Variants in ALMS1 observed in about 807,000 individuals in gnomAD.
ALMS1 encodes centrosome-associated protein ALMS1.
In ALMS1, 271 loss-of-function variants were observed where a neutral mutation model predicts 352.2. The ratio of observed to expected loss-of-function variants is 0.77; its 90% CI spans 0.70 to 0.85. The LOEUF (loss-of-function observed/expected upper bound fraction) is 0.85. Among genes scored for constraint, ALMS1 ranks in the 40% least tolerant of loss-of-function variants. ALMS1 has a pLI of 0.00. For synonymous variants in ALMS1, 1,865 were observed against 1,761.2 expected, an observed-to-expected ratio of 1.06 and a Z score of -1.48; for missense variants, 5,445 against 4,870.7, an observed-to-expected ratio of 1.12 and a Z score of -3.51.
intron 11 of ALMS1, among the ~76,000 whole-genome samples, chr2:73,521,519 G>A (rs1262467303): frequency 6.7e-6 from 1 of 149,708 alleles, no homozygotes; most frequent in Non-Finnish European, 1.5e-5. Flanking sequence ...GGCAGATCAC[G>A]AGGTCAGGAG....
intron 2 of ALMS1, among the ~76,000 whole-genome samples, chr2:73,409,731 C>T (rs1175089771): frequency 1.3e-5 from 2 of 152,096 alleles, no homozygotes; most frequent in Admixed American, 6.5e-5. Context: ...TCTATTTATA[C>T]ACATCTGTGT....
At position 73,544,663 on chromosome 2, in the gene ALMS1, A is replaced by G. The variant is rs114292538; in HGVS notation, c.9908-5604A>G. On this transcript the variant is annotated intron_variant, in intron 12 of 22. Coordinates refer to ENST00000613296, the MANE Select transcript of ALMS1 (RefSeq NM_001378454.1). ...CATTGTGGCTATTCCTCAAAAAATTAAACATAGAATTATAGTATGATCCAG... is the reference window on the plus strand; with the variant it reads ...CATTGTGGCTATTCCTCAAAAAATTGAACATAGAATTATAGTATGATCCAG... Among the ~76,000 whole-genome samples the G allele has an allele frequency of 9.8e-3, 1,495 of 152,318 alleles. 28 individuals are homozygous for G. Among genetic ancestry groups the G allele is most frequent in the African/African-American group, 0.034 (1,403 of 41,550 alleles).
chr2:73,564,565 A>G (rs1213115432), intron 15 of ALMS1, among the ~76,000 whole-genome samples: 1 of 152,052 alleles, frequency 6.6e-6, no homozygotes. Flanking sequence ...ATTTTAGAAT[A>G]TTTTCTTCAC....
At chr2:73,400,810 C>CA (rs1307223541) in intron 1 of ALMS1, among the ~76,000 whole-genome samples, 2 of 151,766 alleles carry the variant, frequency 1.3e-5, no homozygotes, top group Non-Finnish European at 2.9e-5. Context: ...TTTTTTGAGA[C>CA]AGAGTCTTGC....
Position 73,386,168 on chromosome 2 carries a change from G to A in ALMS1, c.300G>A (p.Glu100=). 1 of 1,549,880 alleles carries A rather than the reference G, an allele frequency of 6.5e-7. No individual in the cohort carries two copies. Among genetic ancestry groups the A allele is most frequent in the Non-Finnish European group, 8.7e-7 (1 of 1,146,696 alleles). The part of the protein sequence containing the change: ...PLSPPQHRYS[E]GERTSLEKIV... Reference sequence around the variant, plus strand: ...CGCCCCCGCAGCACCGCTACTCGGAGGGCGAGCGGACCTCCCTGGAGAAGG... The same window carrying A: ...CGCCCCCGCAGCACCGCTACTCGGAAGGCGAGCGGACCTCCCTGGAGAAGG... The change falls in exon 1 of 23, where the codon GAG becomes GAA. Residue 100 remains glutamate (E), a synonymous_variant. Coordinates refer to ENST00000613296, the MANE Select transcript of ALMS1 (RefSeq NM_001378454.1).
intron 16 of ALMS1, among the ~76,000 whole-genome samples, chr2:73,594,230 A>C (rs1675497314): frequency 7.0e-6 from 1 of 143,370 alleles, no homozygotes; most frequent in South Asian, 2.1e-4. Flanking sequence ...CCTAGTGAAC[A>C]GTTGTTTTTG....
chr2:73,448,249 C>T lies in ALMS1; in HGVS notation c.1722C>T (p.Ser574=). The part of the protein sequence containing the change: ...KTATPTVLSS[S]HSHRGKPSIF... ...CAACACCAACAGTACTCTCTAGTTC[C>T]CACTCACATAGGGGGAAGCCCAGCA... is the stretch of plus-strand genomic sequence containing the variant. The change falls in exon 8 of 23, where the codon TCC becomes TCT. Residue 574 remains serine, a synonymous_variant. Transcript: ENST00000613296. 6.2e-7 allele frequency: 1 copy of T among 1,613,850 alleles called. No homozygotes were observed. Among genetic ancestry groups the T allele is most frequent in the South Asian group, 1.1e-5 (1 of 91,068 alleles).
intron 11 of ALMS1, 73 bp downstream of exon 11, chr2:73,520,089 G>A: frequency 6.3e-7 from 1 of 1,595,314 alleles, no homozygotes; most frequent in East Asian, 2.2e-5. Flanking sequence ...ATTTGTGGTT[G>A]TGTCTTTCTA....
intron 10 of ALMS1, among the ~76,000 whole-genome samples, chr2:73,509,475 A>G (rs188891826): frequency 6.6e-6 from 1 of 152,208 alleles, no homozygotes; most frequent in Middle Eastern, 3.4e-3. Context: ...ATCCCTCAGC[A>G]TTTACCTGTC....
chr2:73,472,113 T>C (rs1189152693), intron 9 of ALMS1, among the ~76,000 whole-genome samples: 3 of 152,034 alleles, frequency 2.0e-5, no homozygotes, highest in Admixed American at 6.6e-5. Flanking sequence ...TACTGAATGA[T>C]TTCACTTATA....
In ALMS1 at chr2:73,474,403, G is replaced by GTGTC. The variant is rs1553407467; in HGVS notation, c.7675-15228_7675-15227insCTGT. ...TGTGTGTGTGTGTGTGTGTGTGTGT[G>GTGTC]TGTGTGTCTATTGGTTTACATGACG... On this transcript the variant is annotated intron_variant, in intron 9 of 22. Transcript: ENST00000613296. 8.6e-3 allele frequency among the ~76,000 whole-genome samples: 859 copies of GTGTC among 99,370 alleles called. 17 individuals are homozygous for GTGTC. The highest frequency in any genetic ancestry group is 0.013 in the African/African-American group (384 of 29,318). 65.2% of individuals were successfully genotyped at this position (99,370 alleles called of 152,430 possible).
intron 10 of ALMS1, among the ~76,000 whole-genome samples, chr2:73,500,052 A>G (rs996794054): frequency 1.3e-5 from 2 of 152,222 alleles, no homozygotes; most frequent in East Asian, 1.9e-4. Context: ...AGCCTCAAGT[A>G]TTCCTTAATA....
chr2:73,596,826 A>G (rs1292095773), intron 16 of ALMS1, among the ~76,000 whole-genome samples: 1 of 147,708 alleles, frequency 6.8e-6, no homozygotes, highest in Non-Finnish European at 1.5e-5. Flanking sequence ...TAACTTTATA[A>G]GATTTGAAAT....
intron 7 of ALMS1, among the ~76,000 whole-genome samples, chr2:73,444,101 A>G (rs10192125): frequency 0.88 from 133,368 of 152,110 alleles, 58,573 homozygotes; most frequent in Admixed American, 0.92. Context: ...TATTTGTTGG[A>G]TATCTTCTCC....
intron 13 of ALMS1, among the ~76,000 whole-genome samples, chr2:73,551,494 T>C (rs2104039574): frequency 7.0e-6 from 1 of 142,970 alleles, no homozygotes; most frequent in East Asian, 2.0e-4. Context: ...TGGAGTGCGA[T>C]GGCGCGATCT....
At chr2:73,414,059 A>G (rs1210053901) in intron 2 of ALMS1, among the ~76,000 whole-genome samples, 2 of 152,202 alleles carry the variant, frequency 1.3e-5, no homozygotes, top group Admixed American at 1.3e-4. Context: ...ATATTTTAAA[A>G]GCCTGCTGGA....
chr2:73,566,567 G>T (rs1204506308), intron 15 of ALMS1, among the ~76,000 whole-genome samples: 1 of 152,218 alleles, frequency 6.6e-6, no homozygotes, highest in Non-Finnish European at 1.5e-5. Context: ...TTGGACCATG[G>T]TTGACTATGG....
intron 3 of ALMS1, 151 bp from the exon 4 acceptor site, chr2:73,422,706 T>C: frequency 1.5e-6 from 1 of 654,212 alleles, no homozygotes; most frequent in Non-Finnish European, 2.7e-6. Context: ...CAATAAATGG[T>C]AGCTGCTACT....
At chr2:73,533,150 C>T (rs1437085940) in intron 11 of ALMS1, among the ~76,000 whole-genome samples, 2 of 152,168 alleles carry the variant, frequency 1.3e-5, no homozygotes, top group Non-Finnish European at 2.9e-5. Flanking sequence ...AAAGGAAGGA[C>T]CCTCTCCTGG....
Sources: allele counts gnomAD v4.1 joint callset (sites outside exome capture counted in the v4.1 genomes callset), GRCh38; gene constraint gnomAD v4.1.1; transcripts MANE v1.5; gene names NCBI Gene and HGNC (gene_info 2026-07-23, HGNC 2026-07-21).